ZFX: variants seen among roughly 807,000 people sequenced by gnomAD.
ZFX encodes zinc finger protein X-linked.
For synonymous variants in ZFX, 196 were observed against 226.8 expected (o/e 0.86, Z 1.22); for missense variants, 362 against 628.3 (o/e 0.58, Z 4.53).
intron 5 of ZFX, among the ~76,000 whole-genome samples, chrX:24,203,305 T>C (rs1287670762): frequency 8.9e-6 from 1 of 112,117 alleles, no homozygotes; most frequent in Non-Finnish European, 1.9e-5. Context: ...TGCAGTAGAC[T>C]CAGGTCAGCT....
chrX:24,163,524 C>T (rs1464994380), intron 3 of ZFX, among the ~76,000 whole-genome samples: 35 of 103,872 alleles, frequency 3.4e-4, no homozygotes, highest in Non-Finnish European at 6.5e-4. Context: ...ACTACAGGCG[C>T]GAGCAACCAC....
At chrX:24,185,524 C>T (rs1936036014) in intron 5 of ZFX, among the ~76,000 whole-genome samples, 1 of 111,405 alleles carries the variant, frequency 9.0e-6, no homozygotes, top group South Asian at 3.8e-4. Flanking sequence ...GATCTTGGTT[C>T]ACTGCAGCTT....
chrX:24,172,869 T>C, intron 4 of ZFX, 69 bp downstream of exon 4: 1 of 1,032,462 alleles, frequency 9.7e-7, no homozygotes, highest in Non-Finnish European at 1.3e-6. Context: ...AATGAATTGC[T>C]AGAACTCTCA....
At chrX:24,190,231 T>TA (rs1352937760) in intron 5 of ZFX, among the ~76,000 whole-genome samples, 1 of 111,739 alleles carries the variant, frequency 8.9e-6, no homozygotes, top group East Asian at 2.8e-4. Flanking sequence ...TGAGAACACT[T>TA]AAAATCTGTT....
rs970757902 is a variant in ZFX at position 24,185,702 on chromosome X, G to A, written c.646+5932G>A. ...TGGCCTCAAGCGACCTGCTCACCTC[G>A]GCCTCCCGAAGTGCTAGGATTACAG... On this transcript the variant is annotated intron_variant, in intron 5 of 9. Coordinates refer to ENST00000304543, the MANE Select transcript of ZFX (RefSeq NM_003410.4). 4.4e-5 allele frequency among the ~76,000 whole-genome samples: 5 copies of A among 112,385 alleles called. No homozygotes were observed. The Admixed American group carries it at 4.7e-4, about 11-fold the overall frequency.
chrX:24,157,824 T>C (rs1932878590), intron 3 of ZFX, among the ~76,000 whole-genome samples: 1 of 111,671 alleles, frequency 9.0e-6, no homozygotes, highest in Non-Finnish European at 1.9e-5. Context: ...AGTGGCACGA[T>C]CTCAGCTCAC....
At chrX:24,206,500 C>CGTGTGTGT (rs774457469) in intron 5 of ZFX, among the ~76,000 whole-genome samples, 31 of 59,594 alleles carry the variant, frequency 5.2e-4, no homozygotes, top group African/African-American at 1.8e-3. Flanking sequence ...CCATGCCTGG[C>CGTGTGTGT]GTGTGTGTGT....
rs1938230118 is a variant in ZFX at position 24,213,277 on chromosome X, AC to A, written c.*1902del. The A allele has an allele frequency of 8.9e-6, 1 of 112,005 alleles. No homozygotes were observed. The highest frequency in any genetic ancestry group is 3.3e-5 in the African/African-American group (1 of 30,750). 9.2% of individuals were successfully genotyped at this position (112,005 alleles called of 1,213,427 possible). ...TTAATTAGAACTTGGTTATGTTAAGACGAATCTGGGAGAACAGAAAACAGTT... is the reference window on the plus strand; with the variant it reads ...TTAATTAGAACTTGGTTATGTTAAGAGAATCTGGGAGAACAGAAAACAGTT... On this transcript the variant is annotated 3_prime_UTR_variant, in exon 10 of 10. Transcript: ENST00000304543.
chrX:24,196,786 G>T (rs1003392212), intron 5 of ZFX, among the ~76,000 whole-genome samples: 2 of 111,377 alleles, frequency 1.8e-5, no homozygotes, highest in Admixed American at 9.5e-5. Flanking sequence ...TGTAGAGATG[G>T]GGTCTCACTA....
At chrX:24,154,881 A>G (rs1396516877) in intron 3 of ZFX, among the ~76,000 whole-genome samples, 1 of 112,154 alleles carries the variant, frequency 8.9e-6, no homozygotes, top group Non-Finnish European at 1.9e-5. Context: ...AAACTAACGC[A>G]GGAACAGAAA....
rs1206283573 is a variant in ZFX at position 24,213,415 on chromosome X, A to G, written c.*2039A>G. On this transcript the variant is annotated 3_prime_UTR_variant, in exon 10 of 10. Transcript: ENST00000304543. ...CCTTGTCACCTCATTATGGTGCTCC[A>G]TCCCCTGTGTGCTTAGGTTTTTACC... 8.9e-6 allele frequency: 1 copy of G among 112,037 alleles called. No homozygotes were observed. Among genetic ancestry groups the G allele is most frequent in the Non-Finnish European group, 1.9e-5 (1 of 53,139 alleles). 9.2% of individuals were successfully genotyped at this position (112,037 alleles called of 1,213,427 possible).
rs1938176397 is a variant in ZFX, at chrX:24,212,645, C to A, written c.*1269C>A. 3 of 112,020 alleles carry A rather than the reference C, an allele frequency of 2.7e-5. No homozygotes were observed. The highest frequency in any genetic ancestry group is 9.8e-5 in the African/African-American group (3 of 30,740). 9.2% of individuals were successfully genotyped at this position (112,020 alleles called of 1,213,427 possible). ...AAGCCTGAGAGGGAACTCTGTCTTA[C>A]CTAGTGAGGGGGATGGAAAAGAAGT... On this transcript the variant is annotated 3_prime_UTR_variant, in exon 10 of 10. Coordinates refer to ENST00000304543, the MANE Select transcript of ZFX (RefSeq NM_003410.4).
intron 5 of ZFX, among the ~76,000 whole-genome samples, chrX:24,195,654 G>A (rs1601936107): frequency 1.8e-5 from 2 of 110,922 alleles, no homozygotes; most frequent in Admixed American, 1.9e-4. Flanking sequence ...CATGCCCGGC[G>A]TGCCCGGCTA....
rs1938077900 is a variant in ZFX at position 24,211,492 on chromosome X, T to C, written c.*116T>C. 2.3e-6 allele frequency: 2 copies of C among 880,649 alleles called. No individual in the cohort carries two copies. Among genetic ancestry groups the C allele is most frequent in the Non-Finnish European group, 1.6e-6 (1 of 640,011 alleles). 72.6% of individuals were successfully genotyped at this position (880,649 alleles called of 1,213,427 possible). ...TATATTGATTTATGCTGTGTACAAA[T>C]AGAATTATTACTTCTAGTTGACTTT... is the stretch of plus-strand genomic sequence containing the variant. On this transcript the variant is annotated 3_prime_UTR_variant, in exon 10 of 10. Transcript: ENST00000304543.
rs144562750 is a variant in ZFX at position 24,195,101 on chromosome X, G to A, written c.647-12225G>A. Among the ~76,000 whole-genome samples the A allele has an allele frequency of 9.9e-3, 1,108 of 111,825 alleles. 19 individuals are homozygous for A. Among genetic ancestry groups the A allele is most frequent in the African/African-American group, 0.033 (1,020 of 30,751 alleles). On this transcript the variant is annotated intron_variant, in intron 5 of 9. Coordinates refer to ENST00000304543, the MANE Select transcript of ZFX (RefSeq NM_003410.4). ...TGTTTGGCTGAAAGTCACAATTTCC[G>A]AGAACCTACCAATGACATTACGTGA... is the stretch of plus-strand genomic sequence containing the variant.
intron 3 of ZFX, among the ~76,000 whole-genome samples, chrX:24,158,233 T>C (rs997831338): frequency 5.4e-5 from 6 of 111,207 alleles, no homozygotes; most frequent in East Asian, 2.8e-4. Flanking sequence ...ACAATTGGTA[T>C]CTTCAGAGTC....
At chrX:24,188,643 A>G (rs1171853568) in intron 5 of ZFX, among the ~76,000 whole-genome samples, 1 of 111,380 alleles carries the variant, frequency 9.0e-6, no homozygotes, top group Non-Finnish European at 1.9e-5. Context: ...CGCCTGCTTT[A>G]CTTTTTGGAC....
chrX:24,149,309 G>T, upstream of ZFX: 1 of 112,193 alleles, frequency 8.9e-6, no homozygotes, highest in South Asian at 3.0e-4. Context: ...ACATGGTGGG[G>T]GGCGGCCGGG....
chrX:24,167,836 A>G (rs1046813442), intron 3 of ZFX, among the ~76,000 whole-genome samples: 37 of 112,115 alleles, frequency 3.3e-4, no homozygotes, highest in Non-Finnish European at 5.3e-4. Context: ...AAGTATAGAA[A>G]CAACAAGAAA....
Sources: allele counts gnomAD v4.1 joint callset (sites outside exome capture counted in the v4.1 genomes callset), GRCh38; gene constraint gnomAD v4.1.1; transcripts MANE v1.5; gene names NCBI Gene and HGNC (gene_info 2026-07-23, HGNC 2026-07-21).